The following ASB11 variants were observed in gnomAD, a reference collection of about 807,000 sequenced individuals.
The protein encoded by ASB11 is ankyrin repeat and SOCS box protein 11.
Under a neutral mutation model 20.1 loss-of-function variants are expected in ASB11, and 17 were observed. The ratio of observed to expected loss-of-function variants is 0.85; its 90% confidence interval spans 0.58 to 1.27. The LOEUF is 1.27. Among genes scored for constraint, ASB11 ranks in the 50% most tolerant of loss-of-function variants. The pLI is 0.00. For synonymous variants in ASB11, 107 were observed against 105.6 expected (o/e 1.01, Z -0.08); for missense variants, 259 against 256.9 (o/e 1.01, Z -0.06).
Position 15,289,650 on chromosome X carries a change from C to T in ASB11, c.521-12G>A, listed in dbSNP as rs1216909760. 8.3e-7 allele frequency: 1 copy of T among 1,200,582 alleles called. No homozygotes were observed. The highest frequency in any genetic ancestry group is 3.0e-5 in the East Asian group (1 of 33,745). On this transcript the variant is annotated splice_polypyrimidine_tract_variant and intron_variant, in intron 4 of 6. Transcript: ENST00000480796. ...GCACTCTCTGTGACCTGGTGGAACA[C>T]AAGATACCCTCACTCAAGTAAGGGA...
intron 1 of ASB11, among the ~76,000 whole-genome samples, chrX:15,313,141 A>G (rs1261213746): frequency 8.9e-6 from 1 of 111,835 alleles, no homozygotes; most frequent in Non-Finnish European, 1.9e-5. Flanking sequence ...GCTCACACCT[A>G]TAATCCCAGC....
intron 1 of ASB11, among the ~76,000 whole-genome samples, chrX:15,312,017 A>G (rs1028359556): frequency 9.0e-6 from 1 of 111,134 alleles, no homozygotes; most frequent in South Asian, 3.8e-4. Flanking sequence ...CAGATGATCA[A>G]TCTGTATCTA....
chrX:15,294,072 A>T (rs1367491445), intron 3 of ASB11, among the ~76,000 whole-genome samples: 3 of 112,127 alleles, frequency 2.7e-5, no homozygotes, highest in East Asian at 2.8e-4. Context: ...GATTAAATTT[A>T]AAAAAAGGAA....
At chrX:15,305,704 AC>A (rs1569173188) in intron 1 of ASB11, among the ~76,000 whole-genome samples, 1 of 111,891 alleles carries the variant, frequency 8.9e-6, no homozygotes, top group Non-Finnish European at 1.9e-5. Context: ...ACAAAGAAAA[AC>A]AGATAAAAAA....
At chrX:15,285,330 G>A (rs377600976) in intron 6 of ASB11, among the ~76,000 whole-genome samples, 94 of 108,420 alleles carry the variant, frequency 8.7e-4, no homozygotes, top group East Asian at 7.9e-3. Flanking sequence ...TAGTAGAGAC[G>A]GGGTTTCACC....
chrX:15,282,086 T>C lies in ASB11; in HGVS notation c.*1419A>G, dbSNP rs1269197719. 9.0e-6 allele frequency: 1 copy of C among 110,584 alleles called. No individual in the cohort carries two copies. Among genetic ancestry groups the C allele is most frequent in the Non-Finnish European group, 1.9e-5 (1 of 52,866 alleles). The allele number at this position is 110,584 out of a possible 1,213,427, so 9.1% of individuals were successfully genotyped here. On this transcript the variant is annotated 3_prime_UTR_variant, in exon 7 of 7. Coordinates refer to ENST00000480796, the MANE Select transcript of ASB11 (RefSeq NM_080873.3). Reference sequence around the variant, plus strand: ...CCACCGTCTAGATGATAGTAGCAATTCTCCCCCAGTTGTTGCAACTAAACA... The same window carrying C: ...CCACCGTCTAGATGATAGTAGCAATCCTCCCCCAGTTGTTGCAACTAAACA...
intron 1 of ASB11, among the ~76,000 whole-genome samples, chrX:15,312,415 C>CAAAA (rs1336226103): frequency 4.7e-4 from 2 of 4,243 alleles, no homozygotes; most frequent in African/African-American, 1.4e-3. Flanking sequence ...CCGCCCACTG[C>CAAAA]ACAAAAAAAA....
chrX:15,284,577 A>G (rs1927319789), intron 6 of ASB11, among the ~76,000 whole-genome samples: 1 of 111,654 alleles, frequency 9.0e-6, no homozygotes, highest in South Asian at 3.8e-4. Context: ...GAGATCTGCA[A>G]GAAGGACTCA....
intron 1 of ASB11, among the ~76,000 whole-genome samples, chrX:15,315,220 G>A: frequency 8.9e-6 from 1 of 111,749 alleles, no homozygotes; most frequent in Non-Finnish European, 1.9e-5. Context: ...ACTGCTACAA[G>A]ATCTACGAAC....
chrX:15,297,422 A>G, intron 3 of ASB11, 152 bp downstream of exon 3: 1 of 382,749 alleles, frequency 2.6e-6, no homozygotes, highest in East Asian at 4.5e-5. Context: ...AGTTGAAGAG[A>G]GAGGAGTAGC....
intron 3 of ASB11, among the ~76,000 whole-genome samples, chrX:15,297,015 C>T (rs936590528): frequency 2.9e-4 from 33 of 112,480 alleles, no homozygotes; most frequent in African/African-American, 5.5e-4. Context: ...GGTACAAGGC[C>T]GGGCGCGGTG....
intron 2 of ASB11, among the ~76,000 whole-genome samples, chrX:15,302,501 G>A (rs893427556): frequency 5.4e-5 from 6 of 111,058 alleles, no homozygotes; most frequent in African/African-American, 1.3e-4. Context: ...TGAGGTAAAG[G>A]AAGGCCCAGA....
Position 15,295,200 on chromosome X carries a change from G to T in ASB11, c.370-1880C>A, listed in dbSNP as rs757581613. On this transcript the variant is annotated intron_variant, in intron 3 of 6. Transcript: ENST00000480796. Reference sequence around the variant, plus strand: ...TGGGACTACAGGCGCGTGCCACCATGCCTAGCTAGTTTTTGTATTTTTAGT... The same window carrying T: ...TGGGACTACAGGCGCGTGCCACCATTCCTAGCTAGTTTTTGTATTTTTAGT... Among the ~76,000 whole-genome samples the T allele has an allele frequency of 4.5e-5, 5 of 110,349 alleles. No homozygotes were observed. The East Asian group carries it at 1.4e-3, about 32-fold the overall frequency.
At position 15,297,557 on chromosome X, in the gene ASB11, GC is replaced by G; in HGVS notation, c.369+16del. On this transcript the variant is annotated intron_variant, in intron 3 of 6. Coordinates refer to ENST00000480796, the MANE Select transcript of ASB11 (RefSeq NM_080873.3). The stretch of plus-strand genomic sequence containing the variant: ...CATCTGGCCAGACAGACCCAAGTGG[GC>G]AGGGGCAGTACTCACGTGTGCACCA... The G allele has an allele frequency of 8.8e-7, 1 of 1,141,034 alleles. No individual in the cohort carries two copies. The highest frequency in any genetic ancestry group is 1.2e-6 in the Non-Finnish European group (1 of 853,274). 94.0% of individuals were successfully genotyped at this position (1,141,034 alleles called of 1,213,427 possible). A position where few individuals can be genotyped will look rare whatever the true frequency, so the allele number is the denominator to read the frequency against.
chrX:15,286,126 C>G (rs1447068607), intron 6 of ASB11, among the ~76,000 whole-genome samples: 1 of 111,298 alleles, frequency 9.0e-6, no homozygotes, highest in African/African-American at 3.3e-5. Context: ...AGTCACAGGT[C>G]CCATCCTAGA....
chrX:15,313,826 C>T (rs941320636), intron 1 of ASB11, among the ~76,000 whole-genome samples: 2 of 110,511 alleles, frequency 1.8e-5, no homozygotes, highest in African/African-American at 6.6e-5. Flanking sequence ...CCGAGGCGGG[C>T]GGATCATGAG....
At chrX:15,291,622 G>T (rs1927532636) in intron 4 of ASB11, among the ~76,000 whole-genome samples, 1 of 108,365 alleles carries the variant, frequency 9.2e-6, no homozygotes, top group Non-Finnish European at 1.9e-5. Flanking sequence ...CAGGAGAATT[G>T]CTTGAACCCA....
chrX:15,314,202 A>G (rs1254237925), intron 1 of ASB11, among the ~76,000 whole-genome samples: 1 of 111,346 alleles, frequency 9.0e-6, no homozygotes, highest in Non-Finnish European at 1.9e-5. Flanking sequence ...GACCAGAAGA[A>G]TGATTTATCT....
chrX:15,311,100 G>C (rs1921418291), intron 1 of ASB11, among the ~76,000 whole-genome samples: 1 of 112,858 alleles, frequency 8.9e-6, no homozygotes, highest in East Asian at 2.7e-4. Context: ...GAGCCTAGCA[G>C]AATTAATGGT....
Sources: gnomAD v4.1 joint callset for allele counts (sites outside exome capture counted in the v4.1 genomes callset) on GRCh38, gnomAD v4.1.1 for gene constraint, MANE v1.5 for transcripts, NCBI Gene and HGNC (gene_info 2026-07-23, HGNC 2026-07-21) for gene names.